EIF4E: variants seen among roughly 807,000 people sequenced by gnomAD.
EIF4E encodes the protein eukaryotic translation initiation factor 4E, also known as eIF-4F 25 kDa subunit.
For missense variants in EIF4E, 113 were observed against 265.6 expected, an observed-to-expected ratio of 0.43 and a Z score of 3.99; for synonymous variants, 71 against 88.5, an observed-to-expected ratio of 0.80 and a Z score of 1.11.
At chr4:98,904,725 C>T (rs1351471249) in intron 1 of EIF4E, among the ~76,000 whole-genome samples, 3 of 152,110 alleles carry the variant, frequency 2.0e-5, no homozygotes, top group African/African-American at 7.2e-5. Flanking sequence ...GAGCACAGAT[C>T]GTGCCACTGT....
intron 3 of EIF4E, among the ~76,000 whole-genome samples, chr4:98,889,929 GAAT>G (rs1260393668): frequency 6.6e-6 from 1 of 152,104 alleles, no homozygotes; most frequent in Non-Finnish European, 1.5e-5. Flanking sequence ...GATGGGCAAA[GAAT>G]AATAATCCTA....
intron 2 of EIF4E, among the ~76,000 whole-genome samples, chr4:98,897,083 C>T (rs1213799481): frequency 6.6e-6 from 1 of 152,172 alleles, no homozygotes; most frequent in Non-Finnish European, 1.5e-5. Flanking sequence ...GCCCTAAGAT[C>T]CATTTTCATA....
intron 1 of EIF4E, among the ~76,000 whole-genome samples, chr4:98,922,354 G>A (rs1048406217): frequency 2.6e-5 from 4 of 151,982 alleles, no homozygotes; most frequent in Admixed American, 1.3e-4. Flanking sequence ...TCAGGAGTTC[G>A]AGACCAGCCT....
At chr4:98,910,633 C>T (rs527371544) in intron 1 of EIF4E, among the ~76,000 whole-genome samples, 1 of 152,154 alleles carries the variant, frequency 6.6e-6, no homozygotes, top group Admixed American at 6.5e-5. Flanking sequence ...GGATACTCAG[C>T]AAGCTATACT....
intron 6 of EIF4E, among the ~76,000 whole-genome samples, chr4:98,884,400 A>C (rs1299291800): frequency 6.6e-6 from 1 of 152,136 alleles, no homozygotes; most frequent in Non-Finnish European, 1.5e-5. Flanking sequence ...AATTTTACAG[A>C]AATAAAAAAC....
chr4:98,902,667 A>C (rs1220902621), intron 1 of EIF4E, among the ~76,000 whole-genome samples: 1 of 152,120 alleles, frequency 6.6e-6, no homozygotes, highest in Non-Finnish European at 1.5e-5. Flanking sequence ...GGGTATCAGG[A>C]AGGATACAGG....
chr4:98,914,361 C>CA (rs1159581783), intron 1 of EIF4E, among the ~76,000 whole-genome samples: 533 of 34,824 alleles, frequency 0.015, 78 homozygotes, highest in African/African-American at 0.035. Context: ...GACTCCGTCT[C>CA]AAAAAAAAAA....
chr4:98,901,434 G>C (rs911926236), intron 2 of EIF4E, among the ~76,000 whole-genome samples: 3 of 151,760 alleles, frequency 2.0e-5, no homozygotes, highest in Non-Finnish European at 4.4e-5. Flanking sequence ...CCTGACCTCA[G>C]GTGATCCGCC....
chr4:98,892,703 A>G (rs947355394), intron 2 of EIF4E, among the ~76,000 whole-genome samples: 12 of 149,732 alleles, frequency 8.0e-5, no homozygotes, highest in Non-Finnish European at 1.6e-4. Context: ...AAAAAAAAGA[A>G]GGCGAGAAAC....
At chr4:98,916,525 A>G (rs1424614830) in intron 1 of EIF4E, among the ~76,000 whole-genome samples, 1 of 152,168 alleles carries the variant, frequency 6.6e-6, no homozygotes, top group Non-Finnish European at 1.5e-5. Flanking sequence ...CAATGAGTAC[A>G]CAGTACAATG....
At chr4:98,915,518 C>T (rs894322736) in intron 1 of EIF4E, among the ~76,000 whole-genome samples, 2 of 151,880 alleles carry the variant, frequency 1.3e-5, no homozygotes, top group African/African-American at 4.8e-5. Flanking sequence ...CATGGGCCAA[C>T]AGCCAATATC....
chr4:98,902,824 G>A (rs985207137), intron 1 of EIF4E, among the ~76,000 whole-genome samples: 1 of 151,956 alleles, frequency 6.6e-6, no homozygotes, highest in African/African-American at 2.4e-5. Context: ...TGGGCAACAC[G>A]GCAAGACCCT....
At chr4:98,886,539 TC>T in intron 5 of EIF4E, 1 of 420,982 alleles carries the variant, frequency 2.4e-6, no homozygotes, top group South Asian at 1.7e-5. Context: ...CATAGCAAGA[TC>T]CCATCTCTGG....
chr4:98,897,344 G>A (rs1724452229), intron 2 of EIF4E, among the ~76,000 whole-genome samples: 1 of 152,008 alleles, frequency 6.6e-6, no homozygotes, highest in Admixed American at 6.5e-5. Flanking sequence ...GCTGAGGTGG[G>A]TGGATCACCT....
intron 1 of EIF4E, among the ~76,000 whole-genome samples, chr4:98,910,410 C>T (rs1428261153): frequency 6.6e-6 from 1 of 152,052 alleles, no homozygotes; most frequent in African/African-American, 2.4e-5. Flanking sequence ...TATAAAATGG[C>T]AACTAAACAA....
chr4:98,896,385 G>C (rs1169840548), intron 2 of EIF4E, among the ~76,000 whole-genome samples: 2 of 148,058 alleles, frequency 1.4e-5, no homozygotes, highest in Non-Finnish European at 3.0e-5. Context: ...ATGGGACAGG[G>C]ATGGGGACAG....
chr4:98,886,589 C>T (rs1161341983), intron 5 of EIF4E: 4 of 383,682 alleles, frequency 1.0e-5, no homozygotes, highest in South Asian at 4.0e-5. Context: ...GTGGCATGCA[C>T]CTGTAGTCCC....
chr4:98,889,211 T>C (rs1251804935), intron 3 of EIF4E, among the ~76,000 whole-genome samples: 2 of 151,606 alleles, frequency 1.3e-5, no homozygotes, highest in Non-Finnish European at 2.9e-5. Context: ...TCAAATTCCA[T>C]AGTATAACAC....
intron 1 of EIF4E, among the ~76,000 whole-genome samples, chr4:98,912,300 G>C (rs1284318638): frequency 6.6e-6 from 1 of 151,052 alleles, no homozygotes; most frequent in Non-Finnish European, 1.5e-5. Context: ...CATACGGCCA[G>C]GCACGGTGGC....
Sources: gnomAD v4.1 joint callset for allele counts (sites outside exome capture counted in the v4.1 genomes callset) on GRCh38, gnomAD v4.1.1 for gene constraint, MANE v1.5 for transcripts, NCBI Gene and HGNC (gene_info 2026-07-23, HGNC 2026-07-21) for gene names.